MAP3K19: variants seen among roughly 807,000 people sequenced by gnomAD.
MAP3K19 encodes the protein SPS1/STE20-related protein kinase YSK4.
A neutral mutation model predicts 114.4 loss-of-function variants in MAP3K19; 91 were observed. The observed-to-expected ratio is 0.80, with a 90% CI of 0.67 to 0.95. The LOEUF is 0.95. Ranked by LOEUF, MAP3K19 falls within the 40% of genes least tolerant of loss-of-function variation. MAP3K19 has a pLI of 0.00. For synonymous variants in MAP3K19, 518 were observed against 530.5 expected, an observed-to-expected ratio of 0.98 and a Z score of 0.32; for missense variants, 1,471 against 1,573.2, an observed-to-expected ratio of 0.94 and a Z score of 1.10.
At chr2:135,033,444 G>T (rs1688440952) in intron 2 of MAP3K19, among the ~76,000 whole-genome samples, 1 of 119,062 alleles carries the variant, frequency 8.4e-6, no homozygotes, top group African/African-American at 4.2e-5. Context: ...AGTAGGGGCG[G>T]TCGGGCAGAG....
chr2:135,013,323 AAAG>A (rs200691672), intron 5 of MAP3K19, among the ~76,000 whole-genome samples: 29,726 of 149,300 alleles, frequency 0.2, 3,334 homozygotes, highest in East Asian at 0.37. Flanking sequence ...AAAAAAAAAA[AAAG>A]AAGAAGAAGA....
chr2:135,041,900 T>C (rs1688653297), intron 1 of MAP3K19, among the ~76,000 whole-genome samples: 1 of 152,176 alleles, frequency 6.6e-6, no homozygotes, highest in Non-Finnish European at 1.5e-5. Context: ...TCAGAATTCA[T>C]GGGCCAGACT....
chr2:135,005,254 G>T lies in MAP3K19; in HGVS notation c.235+181C>A, dbSNP rs150328370. 3.0e-3 allele frequency among the ~76,000 whole-genome samples: 452 copies of T among 152,222 alleles called. 3 individuals carry two copies. The highest frequency in any genetic ancestry group is 0.01 in the African/African-American group (420 of 41,528). ...TTGTACAAATTATTTTATCACCCAGGTATTAAGCCTAGTACCCATTAATTA... is the reference window on the plus strand; with the variant it reads ...TTGTACAAATTATTTTATCACCCAGTTATTAAGCCTAGTACCCATTAATTA... On this transcript the variant is annotated intron_variant, in intron 6 of 12. Transcript: ENST00000392915.
intron 6 of MAP3K19, among the ~76,000 whole-genome samples, chr2:135,001,749 G>A (rs1206788695): frequency 1.3e-5 from 2 of 152,212 alleles, no homozygotes; most frequent in Non-Finnish European, 2.9e-5. Flanking sequence ...CCATATTTAA[G>A]AACAACTGTA....
rs16831235 is a variant in MAP3K19, at chr2:134,987,559, G to A, written c.1313C>T (p.Thr438Ile). 0.15 allele frequency: 234,703 copies of A among 1,613,942 alleles called. 18,908 individuals carry two copies. Among genetic ancestry groups the A allele is most frequent in the Middle Eastern group, 0.22 (1,331 of 6,062 alleles). ...MEPNNILEECTVLKSLSSVVF... is the reference protein window; with the variant it reads ...MEPNNILEECIVLKSLSSVVF... ...TACACTGGATAAGCTTTTAAGTACA[G>A]TACACTCTTCTAAAATATTGTTTGG... Residue 438 changes from threonine to isoleucine, a missense_variant, in exon 10 of 13, where the codon ACT becomes ATT. Transcript: ENST00000392915.
intron 8 of MAP3K19, among the ~76,000 whole-genome samples, chr2:134,996,671 G>C (rs1277372129): frequency 6.6e-6 from 1 of 152,158 alleles, no homozygotes; most frequent in African/African-American, 2.4e-5. Flanking sequence ...CATGTTTAGG[G>C]AATAGAGGGC....
At position 134,981,018 on chromosome 2, in the gene MAP3K19, C is replaced by T. The variant is rs1179823983; in HGVS notation, c.3723G>A (p.Glu1241=). Residue 1241 remains glutamate (E), a synonymous_variant, in exon 12 of 13, where the codon GAG becomes GAA. Transcript: ENST00000392915. The part of the protein sequence containing the change: ...PYWMAPEVIN[E]SGYGRKSDIW... ...TATCTGATTTCCGTCCATAGCCAGA[C>T]TCATTGATGACTTCTGGGGCCATCC... 2 of 1,614,218 alleles carry T rather than the reference C, an allele frequency of 1.2e-6. No individual in the cohort carries two copies. Among genetic ancestry groups the T allele is most frequent in the Non-Finnish European group, 1.7e-6 (2 of 1,180,038 alleles).
chr2:135,005,737 A>G (rs1686766942), intron 5 of MAP3K19, among the ~76,000 whole-genome samples: 1 of 152,210 alleles, frequency 6.6e-6, no homozygotes, highest in Non-Finnish European at 1.5e-5. Flanking sequence ...TAATTGCATA[A>G]TCAAAAATGA....
At chr2:134,993,216 T>C (rs1345954844) in intron 8 of MAP3K19, among the ~76,000 whole-genome samples, 3 of 152,106 alleles carry the variant, frequency 2.0e-5, no homozygotes, top group African/African-American at 4.8e-5. Context: ...GTCAAACAAA[T>C]GTCTGTAGGT....
At chr2:134,971,190 C>T (rs1683857502) in intron 12 of MAP3K19, among the ~76,000 whole-genome samples, 1 of 152,042 alleles carries the variant, frequency 6.6e-6, no homozygotes. Context: ...TGTTTTTGTC[C>T]TTCATTCTGT....
chr2:134,985,859 T>C lies in MAP3K19; in HGVS notation c.3013A>G (p.Arg1005Gly). The C allele has an allele frequency of 6.2e-7, 1 of 1,613,834 alleles. No individual in the cohort carries two copies. Among genetic ancestry groups the C allele is most frequent in the Non-Finnish European group, 8.5e-7 (1 of 1,179,950 alleles). The stretch of plus-strand genomic sequence containing the variant: ...TCTTTTGGGGTACTTCCTCTCCATC[T>C]GAGGACAAGATTTAGGTTTTCAGGA... ...TDPENLNLVL[R>G]WRGSTPKEMG... The change falls in exon 10 of 13, where the codon AGA becomes GGA. Residue 1005 changes from arginine (R) to glycine (G), a missense_variant. By Grantham distance (125) the Arg-to-Gly change is moderately radical. Transcript: ENST00000392915.
chr2:134,968,031 G>A (rs1401648632), intron 12 of MAP3K19, among the ~76,000 whole-genome samples: 1 of 152,000 alleles, frequency 6.6e-6, no homozygotes, highest in African/African-American at 2.4e-5. Context: ...TGTGTCCCTG[G>A]GTACTTGAGA....
At position 134,997,005 on chromosome 2, in the gene MAP3K19, C is replaced by T. The variant is rs113154884; in HGVS notation, c.574+1733G>A. Reference sequence around the variant, plus strand: ...CAGAGGTTGCAGTGAGCCAAGATCACGCCACTGCACTCCAGCCTGGGCAAC... The same window carrying T: ...CAGAGGTTGCAGTGAGCCAAGATCATGCCACTGCACTCCAGCCTGGGCAAC... On this transcript the variant is annotated intron_variant, in intron 8 of 12. Transcript: ENST00000392915. Among the ~76,000 whole-genome samples the T allele has an allele frequency of 1.7e-3, 265 of 152,024 alleles. 1 individual carries two copies. The highest frequency in any genetic ancestry group is 6.1e-3 in the African/African-American group (254 of 41,456).
chr2:134,986,893 G>C lies in MAP3K19; in HGVS notation c.1979C>G (p.Pro660Arg), dbSNP rs1404131166. The C allele has an allele frequency of 6.2e-7, 1 of 1,613,910 alleles. No homozygotes were observed. The highest frequency in any genetic ancestry group is 8.5e-7 in the Non-Finnish European group (1 of 1,180,028). Residue 660 changes from proline to arginine, a missense_variant, in exon 10 of 13, where the codon CCT becomes CGT. By Grantham distance (103) the Pro-to-Arg change is moderately radical. Coordinates refer to ENST00000392915, the MANE Select transcript of MAP3K19 (RefSeq NM_025052.5). Reference protein sequence around the residue: ...FKEINSTANGPGIYEMFGTPV... With the variant: ...FKEINSTANGRGIYEMFGTPV... ...GGTCCCAAACATTTCATAGATTCCA[G>C]GTCCATTAGCAGTTGAATTGATTTC...
rs1258671481 is a variant in MAP3K19 at position 135,033,578 on chromosome 2, A to AC, written c.-283-3079dup. Reference sequence around the variant, plus strand: ...GGGGCGGCTGGCGGGCGGGGGGCTGACCCCCCCACCGCCCTCCCAGACGGG... The same window carrying AC: ...GGGGCGGCTGGCGGGCGGGGGGCTGACCCCCCCCACCGCCCTCCCAGACGGG... On this transcript the variant is annotated intron_variant, in intron 2 of 12. Transcript: ENST00000392915. Among the ~76,000 whole-genome samples, 10 of 47,458 alleles carry AC rather than the reference A, an allele frequency of 2.1e-4. 2 individuals are homozygous for AC. The highest frequency in any genetic ancestry group is 1.1e-3 in the Admixed American group (5 of 4,486). 31.1% of individuals were successfully genotyped at this position (47,458 alleles called of 152,430 possible). A position where few individuals can be genotyped will look rare whatever the true frequency, so the allele number is the denominator to read the frequency against.
In MAP3K19 at chr2:135,022,868, G is replaced by A. The variant is rs2105374319; in HGVS notation, c.23-1038C>T. 1.3e-5 allele frequency among the ~76,000 whole-genome samples: 2 copies of A among 152,290 alleles called. 1 individual carries two copies. ...TTGCTCTATAGTTGCCCAGGACAAA[G>A]ACACTCAGCTCCTCTGAACACACTT... On this transcript the variant is annotated intron_variant, in intron 4 of 12. Coordinates refer to ENST00000392915, the MANE Select transcript of MAP3K19 (RefSeq NM_025052.5).
chr2:135,036,457 A>G (rs1688525845), intron 2 of MAP3K19, among the ~76,000 whole-genome samples: 1 of 152,218 alleles, frequency 6.6e-6, no homozygotes, highest in Non-Finnish European at 1.5e-5. Context: ...TGATGCCTTA[A>G]TTTAATTCAA....
At chr2:135,014,038 T>C (rs1687415959) in intron 5 of MAP3K19, among the ~76,000 whole-genome samples, 1 of 152,200 alleles carries the variant, frequency 6.6e-6, no homozygotes, top group Admixed American at 6.5e-5. Context: ...GAGAGTTTGT[T>C]TGGGCATAGA....
chr2:135,033,647 G>T, intron 2 of MAP3K19, among the ~76,000 whole-genome samples: 1 of 51,118 alleles, frequency 2.0e-5, no homozygotes, highest in Non-Finnish European at 3.2e-5. Flanking sequence ...CAGCAGGGGT[G>T]GCTGGGCAGA....
Sources: gnomAD v4.1 joint callset for allele counts (sites outside exome capture counted in the v4.1 genomes callset) on GRCh38, gnomAD v4.1.1 for gene constraint, MANE v1.5 for transcripts, NCBI Gene and HGNC (gene_info 2026-07-23, HGNC 2026-07-21) for gene names.